DDX4: variants seen among roughly 807,000 people sequenced by gnomAD.
DDX4 encodes DEAD-box helicase 4, also known as probable ATP-dependent RNA helicase DDX4.
In DDX4, 25 loss-of-function variants were observed where a neutral mutation model predicts 100.0. The ratio of observed to expected loss-of-function variants is 0.25; its 90% CI spans 0.18 to 0.35. DDX4 has a LOEUF of 0.35. Ranked by LOEUF, DDX4 falls within the 10% of genes least tolerant of loss-of-function variation. The pLI is 1.00. For missense variants in DDX4, 635 were observed against 882.4 expected (o/e 0.72, Z 3.55); for synonymous variants, 259 against 275.7 (o/e 0.94, Z 0.60).
rs2150800437 is a variant in DDX4, at chr5:55,739,579, A to G, written c.69+547A>G. Among the ~76,000 whole-genome samples, 3 of 152,274 alleles carry G rather than the reference A, an allele frequency of 2.0e-5. No individual in the cohort carries two copies. The South Asian group carries it at 6.2e-4, about 32-fold the overall frequency. ...AGTTCTGACTTGGAAATTGGCTTTA[A>G]AAAGATGAATAGAAGGTACTTTAAA... On this transcript the variant is annotated intron_variant, in intron 2 of 21. Coordinates refer to ENST00000505374, the MANE Select transcript of DDX4 (RefSeq NM_024415.3).
chr5:55,766,991 T>G (rs1056280049), intron 6 of DDX4: 13 of 1,531,184 alleles, frequency 8.5e-6, no homozygotes, highest in Admixed American at 2.0e-5. Context: ...GCCTTCAGTA[T>G]AGTAATCTCT....
At chr5:55,799,862 C>T (rs768451213) in intron 18 of DDX4, among the ~76,000 whole-genome samples, 32 of 152,070 alleles carry the variant, frequency 2.1e-4, no homozygotes, top group Admixed American at 5.2e-4. Context: ...GCTTGAATGT[C>T]AGTGTTGAGA....
intron 7 of DDX4, 76 bp from the exon 8 acceptor site, chr5:55,779,888 A>T (rs1741802069): frequency 6.5e-7 from 1 of 1,534,758 alleles, no homozygotes; most frequent in Non-Finnish European, 8.8e-7. Context: ...TCAAGGCTTA[A>T]ATTAAATTTG....
At chr5:55,815,574 T>C (rs1370655781) in intron 21 of DDX4, 151 bp downstream of exon 21, 3 of 1,165,000 alleles carry the variant, frequency 2.6e-6, no homozygotes, top group Non-Finnish European at 3.3e-6. Context: ...TAACATTTTA[T>C]GTATATACAT....
rs749772853 is a variant in DDX4 at position 55,798,589 on chromosome 5, A to AT, written c.1615+25dup. 8 of 1,559,140 alleles carry AT rather than the reference A, an allele frequency of 5.1e-6. No homozygotes were observed. The highest frequency in any genetic ancestry group is 4.3e-6 in the Non-Finnish European group (5 of 1,155,492). The stretch of plus-strand genomic sequence containing the variant: ...AAACATAGGTATCTTACGTTGATAC[A>AT]TTTTTTTGTCATGATTTTGATTTTT... On this transcript the variant is annotated intron_variant, in intron 18 of 21. Coordinates refer to ENST00000505374, the MANE Select transcript of DDX4 (RefSeq NM_024415.3).
At chr5:55,813,279 G>C (rs750130552) in intron 18 of DDX4, among the ~76,000 whole-genome samples, 1 of 152,172 alleles carries the variant, frequency 6.6e-6, no homozygotes, top group Non-Finnish European at 1.5e-5. Flanking sequence ...AATCATGGGA[G>C]AATGAAAGAT....
intron 8 of DDX4, 40 bp from the exon 9 acceptor site, chr5:55,781,026 T>G: frequency 6.4e-7 from 1 of 1,553,976 alleles, no homozygotes; most frequent in Non-Finnish European, 8.7e-7. Context: ...AAAAACTTCT[T>G]CAAAGTAATG....
chr5:55,808,385 G>A (rs1743888212), intron 18 of DDX4, among the ~76,000 whole-genome samples: 1 of 152,224 alleles, frequency 6.6e-6, no homozygotes, highest in Non-Finnish European at 1.5e-5. Context: ...TGGACGAGGA[G>A]TGGCACTCTG....
chr5:55,774,261 C>G (rs1561494858), intron 7 of DDX4, among the ~76,000 whole-genome samples: 2 of 151,728 alleles, frequency 1.3e-5, no homozygotes, highest in Non-Finnish European at 2.9e-5. Context: ...AAGCAGTCCT[C>G]CCACCTCAGC....
chr5:55,790,910 C>T lies in DDX4; in HGVS notation c.1302+205C>T, dbSNP rs928276080. Among the ~76,000 whole-genome samples, 4 of 152,296 alleles carry T rather than the reference C, an allele frequency of 2.6e-5. No homozygotes were observed. The East Asian group carries it at 7.7e-4, about 29-fold the overall frequency. ...TCTAATTTATACTTGGGAAAACAAA[C>T]TCAATGAGATTATGTAATTTATTTT... On this transcript the variant is annotated intron_variant, in intron 16 of 21. Transcript: ENST00000505374.
At chr5:55,815,290 T>C (rs746715270) in intron 20 of DDX4, 23 bp from the exon 21 acceptor site, 6 of 1,603,470 alleles carry the variant, frequency 3.7e-6, no homozygotes, top group Non-Finnish European at 5.1e-6. Context: ...TTATGTTGCA[T>C]ATGAAGTCAA....
chr5:55,778,806 A>G (rs1208455284), intron 7 of DDX4, among the ~76,000 whole-genome samples: 1 of 151,982 alleles, frequency 6.6e-6, no homozygotes, highest in Non-Finnish European at 1.5e-5. Context: ...AGACAGGAGA[A>G]TCGCTTGGAC....
At chr5:55,783,666 G>T (rs562330269) in intron 10 of DDX4, among the ~76,000 whole-genome samples, 1 of 125,424 alleles carries the variant, frequency 8.0e-6, no homozygotes, top group African/African-American at 2.9e-5. Context: ...TGGATGGATG[G>T]ATGGATGGAT....
At chr5:55,758,856 C>T (rs937621429) in intron 3 of DDX4, among the ~76,000 whole-genome samples, 11 of 105,292 alleles carry the variant, frequency 1.0e-4, no homozygotes, top group East Asian at 2.6e-4. Flanking sequence ...TGCTGTATTA[C>T]GTTTGTTTCC....
intron 21 of DDX4, 94 bp downstream of exon 21, chr5:55,815,517 C>T: frequency 7.1e-7 from 1 of 1,415,752 alleles, no homozygotes; most frequent in Admixed American, 2.8e-5. Context: ...ATTTAATAAT[C>T]AAGCCATTGT....
chr5:55,745,133 G>A (rs1424292983), intron 2 of DDX4, among the ~76,000 whole-genome samples: 1 of 152,096 alleles, frequency 6.6e-6, no homozygotes, highest in Non-Finnish European at 1.5e-5. Flanking sequence ...GCCCACCTTG[G>A]CCTCCCCAAA....
intron 2 of DDX4, chr5:55,742,130 GA>G: frequency 2.2e-6 from 1 of 456,022 alleles, no homozygotes; most frequent in South Asian, 1.5e-5. Flanking sequence ...ATAGAACAGC[GA>G]AAGATGTGAA....
At chr5:55,811,099 A>G (rs1209116305) in intron 18 of DDX4, among the ~76,000 whole-genome samples, 1 of 151,950 alleles carries the variant, frequency 6.6e-6, no homozygotes, top group African/African-American at 2.4e-5. Flanking sequence ...AAGGTAAAGA[A>G]TAACTTTTTA....
intron 3 of DDX4, among the ~76,000 whole-genome samples, chr5:55,756,190 A>G (rs943762633): frequency 6.6e-6 from 1 of 152,056 alleles, no homozygotes; most frequent in Non-Finnish European, 1.5e-5. Flanking sequence ...CTTTCGGTGG[A>G]TATAAAAATC....
Sources: gnomAD v4.1 joint callset for allele counts (sites outside exome capture counted in the v4.1 genomes callset) on GRCh38, gnomAD v4.1.1 for gene constraint, MANE v1.5 for transcripts, NCBI Gene and HGNC (gene_info 2026-07-23, HGNC 2026-07-21) for gene names.